The following COL15A1 variants were observed in gnomAD, a reference collection of about 807,000 sequenced individuals.
The protein encoded by COL15A1 is collagen type XV alpha 1 chain.
COL15A1 carries 111 observed loss-of-function variants against 165.9 expected under a neutral mutation model. That is an observed-to-expected ratio of 0.67 (90% CI 0.57 to 0.78). The LOEUF (loss-of-function observed/expected upper bound fraction) is 0.78, where lower values mean the gene tolerates loss of function less well. Ranked by LOEUF, COL15A1 falls within the 30% of genes least tolerant of loss-of-function variation. COL15A1 has a pLI of 0.00. For missense variants in COL15A1, 1,745 were observed against 1,789.7 expected (o/e 0.98, Z 0.45); for synonymous variants, 659 against 674.8 (o/e 0.98, Z 0.36).
At chr9:98,970,152 C>T (rs1033538349) in intron 2 of COL15A1, among the ~76,000 whole-genome samples, 2 of 151,808 alleles carry the variant, frequency 1.3e-5, no homozygotes, top group Admixed American at 6.5e-5. Context: ...GTAAGGGCTC[C>T]GTATACAGGA....
intron 2 of COL15A1, among the ~76,000 whole-genome samples, chr9:98,953,514 C>T (rs1018762443): frequency 2.0e-5 from 3 of 152,146 alleles, no homozygotes; most frequent in African/African-American, 7.2e-5. Context: ...CAACCCAATC[C>T]AACCCAACCC....
chr9:99,014,806 G>A (rs1838900895), intron 9 of COL15A1, among the ~76,000 whole-genome samples: 1 of 152,198 alleles, frequency 6.6e-6, no homozygotes, highest in African/African-American at 2.4e-5. Context: ...GTGTACATTT[G>A]TGCTGTCCAG....
intron 5 of COL15A1, among the ~76,000 whole-genome samples, chr9:98,989,931 G>A (rs1394570441): frequency 2.0e-5 from 3 of 152,238 alleles, no homozygotes; most frequent in African/African-American, 7.2e-5. Context: ...ACACCCAGGA[G>A]CCTGTTTTTA....
chr9:98,944,352 C>G, intron 2 of COL15A1, 102 bp downstream of exon 2: 2 of 1,186,370 alleles, frequency 1.7e-6, no homozygotes, highest in Admixed American at 2.0e-5. Flanking sequence ...CATTCCTGGA[C>G]ATAAAAGGGA....
At chr9:99,049,923 C>A in intron 30 of COL15A1, 28 bp downstream of exon 30, 1 of 1,614,152 alleles carries the variant, frequency 6.2e-7, no homozygotes, top group African/African-American at 1.3e-5. Context: ...CCTTAAAGAG[C>A]AGGCTTTGGC....
At position 98,980,005 on chromosome 9, in the gene COL15A1, A is replaced by G. The variant is rs191350052; in HGVS notation, c.101-5560A>G. ...GACCCTGTCTCTACAAAAAAATGAA[A>G]AAATTAGCTGAGTGTGATGCTGCAT... On this transcript the variant is annotated intron_variant, in intron 2 of 41. Coordinates refer to ENST00000375001, the MANE Select transcript of COL15A1 (RefSeq NM_001855.5). Among the ~76,000 whole-genome samples, 27 of 152,210 alleles carry G rather than the reference A, an allele frequency of 1.8e-4. No homozygotes were observed. The East Asian group carries it at 5.2e-3, about 29-fold the overall frequency.
chr9:99,018,599 A>G (rs781627690), intron 11 of COL15A1, among the ~76,000 whole-genome samples: 10 of 152,242 alleles, frequency 6.6e-5, no homozygotes, highest in Non-Finnish European at 1.2e-4. Flanking sequence ...TCCATAATAG[A>G]GAAAAATTGG....
intron 6 of COL15A1, chr9:98,997,879 G>A (rs1838575820): frequency 6.6e-6 from 1 of 152,248 alleles, no homozygotes; most frequent in Non-Finnish European, 1.5e-5. Flanking sequence ...GACTGAAGAT[G>A]TAAGTACAAG....
rs145460696 is a variant in COL15A1, at chr9:99,023,393, G to A, written c.1798G>A (p.Gly600Ser). Residue 600 changes from glycine (G) to serine (S), a missense_variant, in exon 14 of 42, where the codon GGC becomes AGC. Coordinates refer to ENST00000375001, the MANE Select transcript of COL15A1 (RefSeq NM_001855.5). ...AEAEGSGLGWGSDVGSGSGDL... is the reference protein window; with the variant it reads ...AEAEGSGLGWSSDVGSGSGDL... ...AGCAGAGGGCTCTGGCCTAGGCTGG[G>A]GCTCGGACGTCGGCTCTGGCTCTGG... 404 of 1,610,620 alleles carry A rather than the reference G, an allele frequency of 2.5e-4. No individual in the cohort carries two copies. Among genetic ancestry groups the A allele is most frequent in the Middle Eastern group, 3.3e-4 (2 of 6,078 alleles).
intron 21 of COL15A1, 107 bp from the exon 22 acceptor site, chr9:99,038,561 T>G (rs1486327620): frequency 1.4e-5 from 10 of 722,232 alleles, no homozygotes; most frequent in East Asian, 2.5e-5. Context: ...TCTCAGTGTC[T>G]GCGGTGTTCC....
At chr9:99,016,243 A>G in intron 11 of COL15A1, 124 bp downstream of exon 11, 2 of 1,259,726 alleles carry the variant, frequency 1.6e-6, no homozygotes, top group South Asian at 3.3e-5. Context: ...GTTGGTTTGC[A>G]AATTTGGGCA....
rs184081980 is a variant in COL15A1 at position 99,034,895 on chromosome 9, A to T, written c.2080-119A>T. The T allele has an allele frequency of 1.6e-3, 1,549 of 983,424 alleles. 17 individuals are homozygous for T. Among genetic ancestry groups the T allele is most frequent in the South Asian group, 8.4e-3 (621 of 74,044 alleles). The allele number at this position is 983,424 out of a possible 1,614,324, so 60.9% of individuals were successfully genotyped here. On this transcript the variant is annotated intron_variant, in intron 17 of 41. Transcript: ENST00000375001. ...GTTTCTGTACCATTAAGTGGTACCG[A>T]TCAGAGAATTCATCAACCTAATTAA... is the stretch of plus-strand genomic sequence containing the variant.
At chr9:99,062,154 A>G (rs919957918) in intron 37 of COL15A1, 55 bp downstream of exon 37, 5 of 1,606,756 alleles carry the variant, frequency 3.1e-6, no homozygotes, top group Non-Finnish European at 4.3e-6. Flanking sequence ...TAAAAATAAT[A>G]ATCTACTCCC....
intron 5 of COL15A1, among the ~76,000 whole-genome samples, chr9:98,990,035 T>C (rs1374768167): frequency 6.6e-6 from 1 of 152,182 alleles, no homozygotes; most frequent in Non-Finnish European, 1.5e-5. Flanking sequence ...GTATCTCTAA[T>C]AGAAGAAATC....
chr9:98,944,379 C>A, intron 2 of COL15A1, 129 bp downstream of exon 2: 1 of 937,314 alleles, frequency 1.1e-6, no homozygotes, highest in Non-Finnish European at 1.6e-6. Context: ...CCACTCAGTG[C>A]GCACTGGCGG....
chr9:99,015,975 G>C lies in COL15A1; in HGVS notation c.1504-1G>C. 6.2e-7 allele frequency: 1 copy of C among 1,613,216 alleles called. No homozygotes were observed. Among genetic ancestry groups the C allele is most frequent in the Non-Finnish European group, 8.5e-7 (1 of 1,179,622 alleles). On this transcript the variant is annotated splice_acceptor_variant, in intron 10 of 41. Coordinates refer to ENST00000375001, the MANE Select transcript of COL15A1 (RefSeq NM_001855.5). LOFTEE classifies it high-confidence loss of function. ...TGCCTTAATGCTGGTTTTGTTTTCA[G>C]GGTCCTGGTGATGAAGAAGACTTGG...
At position 98,954,210 on chromosome 9, in the gene COL15A1, T is replaced by C. The variant is rs565885636; in HGVS notation, c.100+9960T>C. On this transcript the variant is annotated intron_variant, in intron 2 of 41. Transcript: ENST00000375001. The stretch of plus-strand genomic sequence containing the variant: ...GGATGTGAGAAGTGTTTGTAAGAGA[T>C]TCATTTTTTTCAATAAAATTTTAAA... 3.1e-5 allele frequency among the ~76,000 whole-genome samples: 4 copies of C among 130,210 alleles called. No individual in the cohort carries two copies. In the South Asian group the frequency reaches 7.4e-4, roughly 24 times the overall value. The allele number at this position is 130,210 out of a possible 152,430, so 85.4% of individuals were successfully genotyped here. A position where few individuals can be genotyped will look rare whatever the true frequency, so the allele number is the denominator to read the frequency against.
intron 14 of COL15A1, among the ~76,000 whole-genome samples, chr9:99,024,285 G>GTTTTTTTT (rs1016769818): frequency 1.5e-5 from 2 of 129,478 alleles, no homozygotes; most frequent in African/African-American, 3.0e-5. Flanking sequence ...TTGTTTTTTT[G>GTTTTTTTT]TTTTTTTTTT....
rs749210426 is a variant in COL15A1, at chr9:98,944,018, G to A, written c.-44G>A. On this transcript the variant is annotated 5_prime_UTR_variant, in exon 1 of 42. Coordinates refer to ENST00000375001, the MANE Select transcript of COL15A1 (RefSeq NM_001855.5). ...GTCCTCCGCTAAGCTCCAACGCTCT[G>A]CTCGACTAGCCGCGCGCCTTCCGGG... The A allele has an allele frequency of 1.2e-6, 2 of 1,613,086 alleles. No individual in the cohort carries two copies. Among genetic ancestry groups the A allele is most frequent in the East Asian group, 4.5e-5 (2 of 44,854 alleles).
Sources: allele counts gnomAD v4.1 joint callset (sites outside exome capture counted in the v4.1 genomes callset), GRCh38; gene constraint gnomAD v4.1.1; transcripts MANE v1.5; gene names NCBI Gene and HGNC (gene_info 2026-07-23, HGNC 2026-07-21).